Variants in CAPN8 observed in about 807,000 individuals in gnomAD.
CAPN8 encodes the protein calpain 8, also known as calpain-8.
CAPN8 carries 87 observed loss-of-function variants against 80.9 expected under a neutral mutation model. That is an observed-to-expected ratio of 1.07 (90% CI 0.90 to 1.28). The LOEUF is 1.28. Ranked by LOEUF, CAPN8 falls within the 50% of genes most tolerant of loss-of-function variation. The pLI is 0.00. For synonymous variants in CAPN8, 299 were observed against 273.8 expected (o/e 1.09, Z -0.91); for missense variants, 757 against 702.0 (o/e 1.08, Z -0.89).
intron 2 of CAPN8, among the ~76,000 whole-genome samples, chr1:223,639,372 A>T (rs1657987253): frequency 6.6e-6 from 1 of 152,272 alleles, no homozygotes; most frequent in African/African-American, 2.4e-5. Flanking sequence ...AGTTGAAATC[A>T]CATAAGCCAC....
intron 1 of CAPN8, among the ~76,000 whole-genome samples, chr1:223,656,740 G>A (rs1480497696): frequency 7.2e-6 from 1 of 139,364 alleles, no homozygotes; most frequent in African/African-American, 2.7e-5. Flanking sequence ...CCAGAATGCA[G>A]TGGCGCGATC....
At chr1:223,618,100 T>C in intron 9 of CAPN8, 2 of 859,232 alleles carry the variant, frequency 2.3e-6, no homozygotes, top group Middle Eastern at 2.3e-4. Context: ...CCCTGCCCCA[T>C]GCGCTTACAG....
intron 4 of CAPN8, among the ~76,000 whole-genome samples, chr1:223,627,522 C>T (rs1360916540): frequency 6.6e-6 from 1 of 152,154 alleles, no homozygotes. Flanking sequence ...GGAAATAGAA[C>T]TGGAAAGGAA....
intron 9 of CAPN8, among the ~76,000 whole-genome samples, chr1:223,618,770 T>G (rs1029844444): frequency 2.6e-5 from 4 of 152,246 alleles, no homozygotes; most frequent in Non-Finnish European, 5.9e-5. Context: ...TGGTTCAGGC[T>G]GCAGCTGAGC....
At chr1:223,627,925 G>T in intron 4 of CAPN8, 84 bp downstream of exon 4, 2 of 1,423,896 alleles carry the variant, frequency 1.4e-6, no homozygotes, top group Non-Finnish European at 1.9e-6. Context: ...CTGAGTTTGG[G>T]GTGGGGAGGC....
At chr1:223,645,817 G>A (rs1281738163) in intron 2 of CAPN8, among the ~76,000 whole-genome samples, 2 of 152,178 alleles carry the variant, frequency 1.3e-5, no homozygotes, top group African/African-American at 2.4e-5. Context: ...TACCCTATGG[G>A]ACCCCTGAGG....
chr1:223,618,427 G>C (rs941796628), intron 9 of CAPN8: 34 of 1,128,718 alleles, frequency 3.0e-5, no homozygotes, highest in Non-Finnish European at 4.1e-5. Context: ...CGCATGCCCT[G>C]TGTGTGGCCA....
intron 2 of CAPN8, among the ~76,000 whole-genome samples, chr1:223,649,441 C>A (rs1244349006): frequency 6.6e-6 from 1 of 152,200 alleles, no homozygotes; most frequent in Non-Finnish European, 1.5e-5. Flanking sequence ...CCAGCAGGGG[C>A]TAGGGACAGT....
At chr1:223,611,983 A>G (rs192939694) in intron 11 of CAPN8, among the ~76,000 whole-genome samples, 1 of 152,274 alleles carries the variant, frequency 6.6e-6, no homozygotes, top group East Asian at 1.9e-4. Flanking sequence ...CATTGGAATC[A>G]CCTTGTTCAG....
intron 9 of CAPN8, chr1:223,618,391 C>T: frequency 7.0e-7 from 1 of 1,421,844 alleles, no homozygotes; most frequent in Non-Finnish European, 9.6e-7. Flanking sequence ...CATACTATCT[C>T]CACCAGGGTC....
intron 2 of CAPN8, among the ~76,000 whole-genome samples, chr1:223,643,524 G>A (rs1037918627): frequency 3.3e-5 from 5 of 152,206 alleles, no homozygotes; most frequent in African/African-American, 1.2e-4. Flanking sequence ...AAAATATCCT[G>A]AGTACAATGC....
chr1:223,625,080 G>T (rs891164424), intron 6 of CAPN8, among the ~76,000 whole-genome samples: 1 of 152,114 alleles, frequency 6.6e-6, no homozygotes, highest in African/African-American at 2.4e-5. Flanking sequence ...GCGACAGAGC[G>T]AGACTCCGTC....
chr1:223,545,234 A>G lies in CAPN8; in HGVS notation c.1830T>C (p.Tyr610=), dbSNP rs550550341. 6.4e-7 allele frequency: 1 copy of G among 1,551,676 alleles called. No individual in the cohort carries two copies. The highest frequency in any genetic ancestry group is 2.4e-5 in the East Asian group (1 of 40,922). ...CCCAGAAGGAAAAGAGAGTTACCAG[A>G]TACTTCTGAATCTTCAGCCAGAGCG... is the stretch of plus-strand genomic sequence containing the variant. ...FKTLWLKIQK[Y]LEIYWETDYN... Residue 610 remains tyrosine, a synonymous_variant, in exon 17 of 21, where the codon TAT becomes TAC. Transcript: ENST00000366872.
rs1216883000 is a variant in CAPN8, at chr1:223,544,061, A to T, written c.2029+6T>A. 8.4e-6 allele frequency: 6 copies of T among 717,726 alleles called. No homozygotes were observed. The highest frequency in any genetic ancestry group is 5.2e-6 in the Non-Finnish European group (2 of 385,076). 44.5% of individuals were successfully genotyped at this position (717,726 alleles called of 1,614,324 possible). On this transcript the variant is annotated splice_donor_region_variant and intron_variant, in intron 19 of 20. Coordinates refer to ENST00000366872, the MANE Select transcript of CAPN8 (RefSeq NM_001143962.2). The stretch of plus-strand genomic sequence containing the variant: ...TAGGATGGGGCTGGAGGACAGAGTG[A>T]CTCACTGAAGAGGGTCTCCAGGCGG...
chr1:223,661,283 A>G lies in CAPN8; in HGVS notation c.237+4127T>C, dbSNP rs114204559. 2.2e-3 allele frequency among the ~76,000 whole-genome samples: 342 copies of G among 152,286 alleles called. 3 individuals carry two copies. Among genetic ancestry groups the G allele is most frequent in the African/African-American group, 7.1e-3 (297 of 41,556 alleles). On this transcript the variant is annotated intron_variant, in intron 1 of 20. Coordinates refer to ENST00000366872, the MANE Select transcript of CAPN8 (RefSeq NM_001143962.2). ...ATCACTGATCTTTGGGGAAATGCAA[A>G]TCAAAACCACAATGAAATGTCACCT...
In CAPN8 at chr1:223,545,285, G is replaced by T. The variant is rs1419081988; in HGVS notation, c.1779C>A (p.Gly593=). The part of the protein sequence containing the change: ...MISLLDSNGT[G]TLGAVEFKTL... ...TCTTGAATTCCACCGCCCCCAAAGT[G>T]CCCGTTCCATTGCTCTAGGCACATT... Residue 593 remains glycine, a synonymous_variant, in exon 17 of 21, where the codon GGC becomes GGA. Coordinates refer to ENST00000366872, the MANE Select transcript of CAPN8 (RefSeq NM_001143962.2). The T allele has an allele frequency of 6.4e-7, 1 of 1,551,566 alleles. No individual in the cohort carries two copies. Among genetic ancestry groups the T allele is most frequent in the South Asian group, 1.2e-5 (1 of 84,046 alleles).
At position 223,625,886 on chromosome 1, in the gene CAPN8, G is replaced by C; in HGVS notation, c.732C>G (p.Val244=). The change falls in exon 6 of 21, where the codon GTC becomes GTG. Residue 244 remains valine (V), a splice_region_variant and synonymous_variant. Coordinates refer to ENST00000366872, the MANE Select transcript of CAPN8 (RefSeq NM_001143962.2). ...TGGCTTCGGCTTCGGCTGCACTGGA[G>C]ACCTGCGTAGAGAAGAAAGTCCACT... ...AGSLLGCSID[V]SSAAEAEAIT... is the part of the protein sequence containing the mutation. 6.4e-7 allele frequency: 1 copy of C among 1,550,706 alleles called. No individual in the cohort carries two copies. The highest frequency in any genetic ancestry group is 1.7e-4 in the Middle Eastern group (1 of 5,986).
At chr1:223,622,227 G>C (rs1047470645) in intron 7 of CAPN8, among the ~76,000 whole-genome samples, 1 of 152,176 alleles carries the variant, frequency 6.6e-6, no homozygotes, top group African/African-American at 2.4e-5. Context: ...ATGGATTCCA[G>C]GGCCCAGCTG....
At chr1:223,650,651 G>C (rs1658322196) in intron 2 of CAPN8, among the ~76,000 whole-genome samples, 1 of 152,094 alleles carries the variant, frequency 6.6e-6, no homozygotes. Flanking sequence ...GGAACATTTA[G>C]ATCCCTGGAA....
Sources: allele counts gnomAD v4.1 joint callset (sites outside exome capture counted in the v4.1 genomes callset), GRCh38; gene constraint gnomAD v4.1.1; transcripts MANE v1.5; gene names NCBI Gene and HGNC (gene_info 2026-07-23, HGNC 2026-07-21).